NAV2: variants seen among roughly 807,000 people sequenced by gnomAD.
NAV2 encodes helicase, APC down-regulated 1.
Under a neutral mutation model 223.2 loss-of-function variants are expected in NAV2, and 54 were observed. The observed-to-expected ratio is 0.24, with a 90% CI of 0.19 to 0.30. The LOEUF (loss-of-function observed/expected upper bound fraction) is 0.30, where lower values mean the gene tolerates loss of function less well. NAV2 is among the 10% of genes least tolerant of loss of function. The pLI is 1.00. For synonymous variants in NAV2, 1,279 were observed against 1,239.3 expected, an observed-to-expected ratio of 1.03 and a Z score of -0.67; for missense variants, 2,806 against 3,147.5, an observed-to-expected ratio of 0.89 and a Z score of 2.60.
At chr11:19,480,193 C>T (rs904233221) in intron 1 of NAV2, among the ~76,000 whole-genome samples, 2 of 152,158 alleles carry the variant, frequency 1.3e-5, no homozygotes, top group Admixed American at 6.5e-5. Context: ...TGCATGACTT[C>T]TCAGAGCCCT....
At chr11:19,765,196 A>G (rs2055100812) in intron 1 of NAV2, among the ~76,000 whole-genome samples, 1 of 152,208 alleles carries the variant, frequency 6.6e-6, no homozygotes. Flanking sequence ...CGGAAATAAA[A>G]TTTAAATGGC....
intron 1 of NAV2, among the ~76,000 whole-genome samples, chr11:19,543,931 C>A (rs548546852): frequency 9.3e-4 from 142 of 152,184 alleles, no homozygotes; most frequent in Non-Finnish European, 1.6e-3. Context: ...TGTGAGTGTA[C>A]TCTGTAGCCT....
In NAV2 at chr11:19,955,118, A is replaced by G. The variant is rs114623658; in HGVS notation, c.2645+6038A>G. On this transcript the variant is annotated intron_variant, in intron 10 of 37. Coordinates refer to ENST00000349880, the MANE Select transcript of NAV2 (RefSeq NM_145117.5). Reference sequence around the variant, plus strand: ...GTTGCATAGTAAGCAGTCAATAAATATTTGTTGGCTGGGCATGGTGACTCA... The same window carrying G: ...GTTGCATAGTAAGCAGTCAATAAATGTTTGTTGGCTGGGCATGGTGACTCA... Among the ~76,000 whole-genome samples, 1,421 of 152,228 alleles carry G rather than the reference A, an allele frequency of 9.3e-3. 20 individuals carry two copies. The highest frequency in any genetic ancestry group is 0.033 in the African/African-American group (1,365 of 41,530).
intron 1 of NAV2, among the ~76,000 whole-genome samples, chr11:19,486,563 T>G (rs955848563): frequency 7.2e-5 from 11 of 152,330 alleles, no homozygotes; most frequent in Admixed American, 2.6e-4. Context: ...TTATCCCTTT[T>G]GCTCGGCACT....
intron 19 of NAV2, among the ~76,000 whole-genome samples, chr11:20,057,755 G>A (rs74915346): frequency 0.015 from 2,353 of 152,244 alleles, 62 homozygotes; most frequent in African/African-American, 0.054. Flanking sequence ...AGCACACTTC[G>A]CCTCATAAAG....
At chr11:19,475,629 A>G (rs1014116255) in intron 1 of NAV2, among the ~76,000 whole-genome samples, 21 of 152,208 alleles carry the variant, frequency 1.4e-4, no homozygotes, top group African/African-American at 5.1e-4. Context: ...GGCAAAGCAA[A>G]CTAGGAAGGG....
At chr11:19,781,872 C>T (rs1218629828) in intron 1 of NAV2, among the ~76,000 whole-genome samples, 1 of 152,012 alleles carries the variant, frequency 6.6e-6, no homozygotes, top group Admixed American at 6.6e-5. Context: ...TGAAATGATT[C>T]CCACTATCAA....
At chr11:19,934,393 T>C in intron 7 of NAV2, 116 bp downstream of exon 7, 2 of 1,246,370 alleles carry the variant, frequency 1.6e-6, no homozygotes, top group East Asian at 2.6e-5. Context: ...CTTAAGTCAG[T>C]AGCTAAGAAA....
chr11:19,646,548 G>A (rs1457803804), intron 1 of NAV2, among the ~76,000 whole-genome samples: 1 of 152,102 alleles, frequency 6.6e-6, no homozygotes, highest in East Asian at 1.9e-4. Context: ...GAAAACTACT[G>A]GAAGTCAGAG....
At chr11:19,967,365 G>A (rs562165551) in intron 10 of NAV2, among the ~76,000 whole-genome samples, 6 of 151,418 alleles carry the variant, frequency 4.0e-5, no homozygotes, top group South Asian at 2.1e-4. Flanking sequence ...TCTTATTCTC[G>A]GTGCTAGGTT....
chr11:19,369,064 A>G (rs1360057252), intron 1 of NAV2, among the ~76,000 whole-genome samples: 2 of 152,234 alleles, frequency 1.3e-5, no homozygotes, highest in Non-Finnish European at 2.9e-5. Context: ...GCAGATTGTA[A>G]CGCACATCTA....
Position 20,045,153 on chromosome 11 carries a change from G to T in NAV2, c.3385G>T (p.Ala1129Ser). 1.9e-6 allele frequency: 3 copies of T among 1,614,080 alleles called. No individual in the cohort carries two copies. The highest frequency in any genetic ancestry group is 2.5e-6 in the Non-Finnish European group (3 of 1,179,980). ...SFGFKKQSGS[A>S]AGLAMITASG... Reference sequence around the variant, plus strand: ...TGGGTTCAAGAAGCAGAGTGGTTCCGCCGCCGGCCTGGCCATGATCACAGC... The same window carrying T: ...TGGGTTCAAGAAGCAGAGTGGTTCCTCCGCCGGCCTGGCCATGATCACAGC... The change falls in exon 14 of 38, where the codon GCC (alanine) becomes TCC (serine). Residue 1129 changes from alanine (A) to serine (S), a missense_variant. Around this residue, in one of 4 missense-constraint regions of NAV2, gnomAD observed 742 missense variants for 777.9 expected, o/e 0.95. Coordinates refer to ENST00000349880, the MANE Select transcript of NAV2 (RefSeq NM_145117.5).
chr11:20,111,028 A>G (rs991723120), intron 36 of NAV2, among the ~76,000 whole-genome samples: 3 of 152,280 alleles, frequency 2.0e-5, no homozygotes, highest in Non-Finnish European at 2.9e-5. Context: ...CCCCTCCCAC[A>G]GGTACACCCG....
At chr11:20,103,002 T>C (rs2061746973) in intron 32 of NAV2, among the ~76,000 whole-genome samples, 1 of 152,126 alleles carries the variant, frequency 6.6e-6, no homozygotes, top group Non-Finnish European at 1.5e-5. Context: ...TACCCCAGGC[T>C]CAAGGTTTCC....
At chr11:19,774,452 C>T (rs2055971955) in intron 1 of NAV2, among the ~76,000 whole-genome samples, 1 of 152,208 alleles carries the variant, frequency 6.6e-6, no homozygotes, top group African/African-American at 2.4e-5. Context: ...GCTAGGATTA[C>T]AGGTGTGAGC....
intron 1 of NAV2, among the ~76,000 whole-genome samples, chr11:19,565,083 C>T (rs1428230095): frequency 6.6e-6 from 1 of 151,690 alleles, no homozygotes; most frequent in African/African-American, 2.4e-5. Context: ...TGCAGTGAGC[C>T]GAGATCACAC....
intron 3 of NAV2, among the ~76,000 whole-genome samples, chr11:19,852,116 G>C (rs2061178589): frequency 2.0e-5 from 3 of 152,236 alleles, no homozygotes; most frequent in Admixed American, 2.0e-4. Flanking sequence ...TTAGCCCACT[G>C]AGACTGATTT....
chr11:19,438,278 G>A (rs1851280869), intron 1 of NAV2, among the ~76,000 whole-genome samples: 1 of 152,174 alleles, frequency 6.6e-6, no homozygotes, highest in Non-Finnish European at 1.5e-5. Flanking sequence ...CAGTCTACAG[G>A]TGAAGAAGCT....
intron 1 of NAV2, among the ~76,000 whole-genome samples, chr11:19,699,031 G>C (rs1466934553): frequency 6.6e-6 from 1 of 152,194 alleles, no homozygotes; most frequent in Non-Finnish European, 1.5e-5. Flanking sequence ...ACCTGCTAGA[G>C]AAAGGCGTGA....
Sources: gnomAD v4.1 joint callset for allele counts (sites outside exome capture counted in the v4.1 genomes callset) on GRCh38, gnomAD v4.1.1 for gene constraint, gnomAD v4.1.1 regional missense constraint, MANE v1.5 for transcripts, NCBI Gene and HGNC (gene_info 2026-07-23, HGNC 2026-07-21) for gene names.